The following TAFA2 variants were observed in gnomAD, a reference collection of about 807,000 sequenced individuals.
TAFA2 encodes chemokine-like protein TAFA-2.
In TAFA2, 7 loss-of-function variants were observed where a neutral mutation model predicts 18.8. The observed-to-expected ratio is 0.37, with a 90% CI of 0.21 to 0.70. The LOEUF is 0.70. Ranked by LOEUF, TAFA2 falls within the 30% of genes least tolerant of loss-of-function variation. The pLI, the probability that TAFA2 is intolerant of heterozygous loss-of-function variation, is 0.53. For missense variants in TAFA2, 122 were observed against 158.1 expected, an observed-to-expected ratio of 0.77 and a Z score of 1.23; for synonymous variants, 60 against 54.2, an observed-to-expected ratio of 1.11 and a Z score of -0.47.
In TAFA2 at chr12:61,964,573, G is replaced by A. The variant is rs764335091; in HGVS notation, c.-1-97147C>T. ...GTCTGCCCCTGCCCCAGGCTCCCTC[G>A]ATATGACATCACCACATACTCAGCC... On this transcript the variant is annotated intron_variant, in intron 1 of 4. Coordinates refer to ENST00000416284, the MANE Select transcript of TAFA2 (RefSeq NM_178539.5). 5.3e-5 allele frequency among the ~76,000 whole-genome samples: 8 copies of A among 151,602 alleles called. No homozygotes were observed. The South Asian group carries it at 1.2e-3, about 24-fold the overall frequency.
chr12:61,808,606 A>G (rs911850524), intron 2 of TAFA2, among the ~76,000 whole-genome samples: 3 of 151,456 alleles, frequency 2.0e-5, no homozygotes, highest in Admixed American at 6.6e-5. Flanking sequence ...AAAGTCATGT[A>G]GTTTAGCAGG....
chr12:61,788,114 T>C (rs973233501), intron 2 of TAFA2, among the ~76,000 whole-genome samples: 2 of 151,630 alleles, frequency 1.3e-5, no homozygotes, highest in Non-Finnish European at 3.0e-5. Context: ...AAAAATGTCA[T>C]TATATAATGA....
At position 62,019,869 on chromosome 12, in the gene TAFA2, A is replaced by G. The variant is rs112799322; in HGVS notation, c.-1-152443T>C. ...AAATAAAATAAAATTTATGTTTTAAACCACAAATGATGCTTCTGATTCTTA... is the reference window on the plus strand; with the variant it reads ...AAATAAAATAAAATTTATGTTTTAAGCCACAAATGATGCTTCTGATTCTTA... On this transcript the variant is annotated intron_variant, in intron 1 of 4. Transcript: ENST00000416284. Among the ~76,000 whole-genome samples the G allele has an allele frequency of 3.5e-3, 539 of 152,296 alleles. 1 individual carries two copies. Among genetic ancestry groups the G allele is most frequent in the African/African-American group, 0.012 (507 of 41,568 alleles).
chr12:61,840,383 T>A (rs1873123097), intron 2 of TAFA2, among the ~76,000 whole-genome samples: 2 of 152,084 alleles, frequency 1.3e-5, no homozygotes, highest in African/African-American at 2.4e-5. Flanking sequence ...TCAGTTTGAC[T>A]GACACAAGGA....
chr12:61,810,061 G>T (rs1266904259), intron 2 of TAFA2, among the ~76,000 whole-genome samples: 2 of 151,342 alleles, frequency 1.3e-5, no homozygotes, highest in Non-Finnish European at 2.9e-5. Context: ...CATGATCTTT[G>T]CCATCTGAAT....
intron 1 of TAFA2, among the ~76,000 whole-genome samples, chr12:62,038,683 A>G (rs1348546876): frequency 5.9e-5 from 9 of 152,120 alleles, no homozygotes; most frequent in Non-Finnish European, 1.3e-4. Context: ...ACCCCTAGAC[A>G]TACAAAAAGA....
chr12:62,140,836 A>T (rs528727223), intron 1 of TAFA2, among the ~76,000 whole-genome samples: 1 of 152,276 alleles, frequency 6.6e-6, no homozygotes, highest in East Asian at 1.9e-4. Flanking sequence ...CTGATCAAAG[A>T]CTATAGGCCT....
chr12:62,205,379 G>A (rs913809232), intron 1 of TAFA2, among the ~76,000 whole-genome samples: 1 of 152,208 alleles, frequency 6.6e-6, no homozygotes, highest in African/African-American at 2.4e-5. Flanking sequence ...CTGCACAGGG[G>A]GAAATCTCAC....
chr12:62,129,230 C>T (rs1347835701), intron 1 of TAFA2, among the ~76,000 whole-genome samples: 1 of 151,988 alleles, frequency 6.6e-6, no homozygotes, highest in Non-Finnish European at 1.5e-5. Flanking sequence ...GCATAGTACA[C>T]TGTAATAACA....
chr12:62,170,884 T>C lies in TAFA2; in HGVS notation c.-2+20375A>G, dbSNP rs139540431. Among the ~76,000 whole-genome samples the C allele has an allele frequency of 9.2e-4, 140 of 152,326 alleles. 3 individuals are homozygous for C. In the East Asian group the frequency reaches 0.017, roughly 19 times the overall value. On this transcript the variant is annotated intron_variant, in intron 1 of 4. Transcript: ENST00000416284. ...ATCAGGTAGCAGATTACCTTGGCCGTTGGCTTATTGTTATGTCTCTAACCA... is the reference window on the plus strand; with the variant it reads ...ATCAGGTAGCAGATTACCTTGGCCGCTGGCTTATTGTTATGTCTCTAACCA...
chr12:62,060,829 T>C (rs561643486), intron 1 of TAFA2, among the ~76,000 whole-genome samples: 60 of 152,194 alleles, frequency 3.9e-4, no homozygotes, highest in African/African-American at 1.4e-3. Context: ...AAAAAATGTA[T>C]TTAAAATTTT....
chr12:61,979,146 A>G (rs1272262301), intron 1 of TAFA2, among the ~76,000 whole-genome samples: 2 of 152,156 alleles, frequency 1.3e-5, no homozygotes, highest in Non-Finnish European at 2.9e-5. Context: ...AATAACCACT[A>G]AAATAAAGTC....
rs1869328124 is a variant in TAFA2, at chr12:61,710,201, T to C, written c.*205A>G. The C allele has an allele frequency of 1.8e-6, 1 of 548,550 alleles. No individual in the cohort carries two copies. Among genetic ancestry groups the C allele is most frequent in the Non-Finnish European group, 3.3e-6 (1 of 305,556 alleles). 34.0% of individuals were successfully genotyped at this position (548,550 alleles called of 1,614,324 possible). A position where few individuals can be genotyped will look rare whatever the true frequency, so the allele number is the denominator to read the frequency against. Reference sequence around the variant, plus strand: ...CAAGTTGAACACAGTTCAAATCTGCTGAAATCTTCATGACATGCAAGTTCA... The same window carrying C: ...CAAGTTGAACACAGTTCAAATCTGCCGAAATCTTCATGACATGCAAGTTCA... On this transcript the variant is annotated 3_prime_UTR_variant, in exon 5 of 5. Coordinates refer to ENST00000416284, the MANE Select transcript of TAFA2 (RefSeq NM_178539.5).
intron 1 of TAFA2, among the ~76,000 whole-genome samples, chr12:62,159,118 C>T (rs977151504): frequency 6.6e-6 from 1 of 152,118 alleles, no homozygotes; most frequent in African/African-American, 2.4e-5. Context: ...TAGCATGGCA[C>T]TGAAGAGCTC....
chr12:62,055,102 T>G (rs1882154639), intron 1 of TAFA2, among the ~76,000 whole-genome samples: 1 of 152,102 alleles, frequency 6.6e-6, no homozygotes, highest in Admixed American at 6.6e-5. Context: ...ATCAATGCCC[T>G]TATAAAAGAG....
intron 1 of TAFA2, among the ~76,000 whole-genome samples, chr12:61,988,237 T>C (rs1879883152): frequency 1.3e-5 from 2 of 152,102 alleles, no homozygotes; most frequent in Admixed American, 1.3e-4. Context: ...TCCCATGTAA[T>C]ATATTCCCTT....
chr12:62,003,831 T>C (rs1010978885), intron 1 of TAFA2, among the ~76,000 whole-genome samples: 3 of 152,238 alleles, frequency 2.0e-5, no homozygotes, highest in Admixed American at 6.5e-5. Context: ...AATACATTTC[T>C]ATGTGTGACT....
intron 1 of TAFA2, among the ~76,000 whole-genome samples, chr12:62,237,029 T>C (rs1050349772): frequency 3.3e-5 from 5 of 152,194 alleles, no homozygotes; most frequent in African/African-American, 1.2e-4. Flanking sequence ...TTTTGTTGAA[T>C]AGTCATTCTA....
intron 4 of TAFA2, among the ~76,000 whole-genome samples, chr12:61,729,235 C>T (rs1870325147): frequency 6.6e-6 from 1 of 151,890 alleles, no homozygotes; most frequent in African/African-American, 2.4e-5. Flanking sequence ...ATGAATTTCC[C>T]ACTTTTTTTC....
Sources: gnomAD v4.1 joint callset for allele counts (sites outside exome capture counted in the v4.1 genomes callset) on GRCh38, gnomAD v4.1.1 for gene constraint, MANE v1.5 for transcripts, NCBI Gene and HGNC (gene_info 2026-07-23, HGNC 2026-07-21) for gene names.